Variants in MME observed in about 807,000 individuals in gnomAD.
MME encodes membrane metalloendopeptidase.
Under a neutral mutation model 113.2 loss-of-function variants are expected in MME, and 98 were observed. The observed-to-expected ratio is 0.87, with a 90% CI of 0.74 to 1.02. MME has a LOEUF of 1.02. MME is among the 50% of genes least tolerant of loss of function. MME has a pLI of 0.00. For missense variants in MME, 836 were observed against 896.0 expected (o/e 0.93, Z 0.86); for synonymous variants, 292 against 300.6 (o/e 0.97, Z 0.30).
intron 1 of MME, among the ~76,000 whole-genome samples, chr3:155,054,564 G>T (rs1427609734): frequency 6.6e-6 from 1 of 152,304 alleles, no homozygotes; most frequent in East Asian, 1.9e-4. Flanking sequence ...GCTCACTCCT[G>T]CAATCCCAGC....
Position 155,115,027 on chromosome 3 carries a change from C to T in MME, c.230C>T (p.Thr77Ile), listed in dbSNP as rs1576601411. The T allele has an allele frequency of 1.2e-6, 2 of 1,614,146 alleles. No homozygotes were observed. The highest frequency in any genetic ancestry group is 1.7e-5 in the Admixed American group (1 of 60,018). ...ARLIQNMDAT[T>I]EPCTDFFKYA... ...CTGATCCAAAACATGGATGCCACCA[C>T]TGAGCCTTGTACAGACTTTTTCAAA... The change falls in exon 4 of 23, where the codon ACT becomes ATT. Residue 77 changes from threonine to isoleucine, a missense_variant. Physicochemically the swap from Thr to Ile is moderately conservative, Grantham distance 89. Coordinates refer to ENST00000360490, the MANE Select transcript of MME (RefSeq NM_007289.4).
chr3:155,040,968 C>T (rs1288591995), intron 1 of MME, among the ~76,000 whole-genome samples: 1 of 152,124 alleles, frequency 6.6e-6, no homozygotes, highest in Non-Finnish European at 1.5e-5. Flanking sequence ...ATTTCTATTA[C>T]GAAGAAAGAA....
intron 15 of MME, 96 bp downstream of exon 15, chr3:155,147,320 C>G: frequency 1.3e-6 from 1 of 779,656 alleles, no homozygotes; most frequent in African/African-American, 1.7e-5. Flanking sequence ...TATGAAGTAG[C>G]CTGAAACCAC....
rs111571528 is a variant in MME at position 155,137,752 on chromosome 3, C to T, written c.721-350C>T. 2.6e-5 allele frequency among the ~76,000 whole-genome samples: 4 copies of T among 152,036 alleles called. 1 individual carries two copies. Among genetic ancestry groups the T allele is most frequent in the African/African-American group, 2.4e-5 (1 of 41,490 alleles). Reference sequence around the variant, plus strand: ...AAAAAAGAAATGTATTATTATTCAGCGAAAAAATTAGTATATGTTATTGCT... The same window carrying T: ...AAAAAAGAAATGTATTATTATTCAGTGAAAAAATTAGTATATGTTATTGCT... On this transcript the variant is annotated intron_variant, in intron 8 of 22. Transcript: ENST00000360490.
chr3:155,028,384 A>G (rs1279036955), intron 1 of MME, among the ~76,000 whole-genome samples: 4 of 152,182 alleles, frequency 2.6e-5, no homozygotes, highest in African/African-American at 4.8e-5. Context: ...CCATGTAATA[A>G]TCTGGGAATA....
Position 155,084,247 on chromosome 3 carries a change from T to G in MME, c.80T>G (p.Leu27Arg), listed in dbSNP as rs1391261402. The G allele has an allele frequency of 2.5e-6, 4 of 1,614,168 alleles. No homozygotes were observed. Among genetic ancestry groups the G allele is most frequent in the Admixed American group, 1.7e-5 (1 of 60,018 alleles). Residue 27 changes from leucine to arginine, a missense_variant, in exon 2 of 23, where the codon CTG becomes CGG. Physicochemically the swap from Leu to Arg is moderately radical, Grantham distance 102. Coordinates refer to ENST00000360490, the MANE Select transcript of MME (RefSeq NM_007289.4). Reference sequence around the variant, plus strand: ...AAGAAGAAACAGCGATGGACTCCACTGGAGATCAGCCTCTCGGTCCTTGTC... The same window carrying G: ...AAGAAGAAACAGCGATGGACTCCACGGGAGATCAGCCTCTCGGTCCTTGTC... ...KPKKKQRWTPLEISLSVLVLL... is the reference protein window; with the variant it reads ...KPKKKQRWTPREISLSVLVLL...
chr3:155,082,582 A>C (rs989449736), intron 1 of MME, among the ~76,000 whole-genome samples: 1 of 152,210 alleles, frequency 6.6e-6, no homozygotes, highest in Non-Finnish European at 1.5e-5. Context: ...CATAACCATT[A>C]AGTAAGACAT....
chr3:155,141,975 G>A lies in MME; in HGVS notation c.958-16G>A, dbSNP rs756756225. On this transcript the variant is annotated splice_polypyrimidine_tract_variant and intron_variant, in intron 10 of 22. Transcript: ENST00000360490. ...AATCCACAATTTCTGAATGTTTCAT[G>A]CCTGCTTTTTTCCAGCCATTCAGCT... 1.5e-5 allele frequency: 25 copies of A among 1,613,208 alleles called. No individual in the cohort carries two copies. In the South Asian group the frequency reaches 2.5e-4, roughly 16 times the overall value.
intron 8 of MME, among the ~76,000 whole-genome samples, chr3:155,124,821 A>G (rs1719471112): frequency 6.6e-6 from 1 of 152,016 alleles, no homozygotes; most frequent in Admixed American, 6.5e-5. Flanking sequence ...GCTCTCTTCA[A>G]AGCTGTCAGA....
intron 14 of MME, among the ~76,000 whole-genome samples, chr3:155,145,599 G>A (rs1721440967): frequency 6.6e-6 from 1 of 152,012 alleles, no homozygotes; most frequent in Non-Finnish European, 1.5e-5. Flanking sequence ...TATTGAGTGA[G>A]TAAATTGATA....
chr3:155,154,330 G>T (rs1336618025), intron 16 of MME, among the ~76,000 whole-genome samples: 1 of 152,156 alleles, frequency 6.6e-6, no homozygotes, highest in East Asian at 1.9e-4. Context: ...AAATGGCAGA[G>T]CAGTTGGCAC....
chr3:155,105,867 G>A lies in MME; in HGVS notation c.197-9127G>A, dbSNP rs112182230. Among the ~76,000 whole-genome samples the A allele has an allele frequency of 1.4e-3, 210 of 152,186 alleles. 1 individual carries two copies. Among genetic ancestry groups the A allele is most frequent in the African/African-American group, 3.4e-3 (143 of 41,526 alleles). On this transcript the variant is annotated intron_variant, in intron 3 of 22. Coordinates refer to ENST00000360490, the MANE Select transcript of MME (RefSeq NM_007289.4). ...GTTATTATTATTATTACATTTAAGCGTCTTTGGCTAAACCTAAATGAAAAT... is the reference window on the plus strand; with the variant it reads ...GTTATTATTATTATTACATTTAAGCATCTTTGGCTAAACCTAAATGAAAAT...
chr3:155,042,443 GATCC>G (rs1206625770), intron 1 of MME, among the ~76,000 whole-genome samples: 2 of 152,084 alleles, frequency 1.3e-5, no homozygotes, highest in African/African-American at 4.8e-5. Flanking sequence ...GTTTCTTATA[GATCC>G]ATCAGGGAGT....
chr3:155,172,621 A>G lies in MME; in HGVS notation c.2153+9A>G, dbSNP rs1299312039. On this transcript the variant is annotated intron_variant, in intron 22 of 22. Transcript: ENST00000360490. Reference sequence around the variant, plus strand: ...AGTCCAGGCAATTTCAGGTGCGTGGATATGAACAGCAATCAAGGTGCTCTT... The same window carrying G: ...AGTCCAGGCAATTTCAGGTGCGTGGGTATGAACAGCAATCAAGGTGCTCTT... 6.2e-7 allele frequency: 1 copy of G among 1,602,780 alleles called. No individual in the cohort carries two copies. The highest frequency in any genetic ancestry group is 8.5e-7 in the Non-Finnish European group (1 of 1,170,024).
chr3:155,062,508 A>T (rs1714183239), intron 1 of MME, among the ~76,000 whole-genome samples: 2 of 152,190 alleles, frequency 1.3e-5, no homozygotes, highest in South Asian at 2.1e-4. Context: ...AAGAAATATA[A>T]TATCAAACTA....
chr3:155,147,078 C>T lies in MME; in HGVS notation c.1417-66C>T, dbSNP rs1015784503. Reference sequence around the variant, plus strand: ...AAGTTATTCAATTGCTAGTCATGGGCAGATTATAAATTTGTATCTGAAAGT... The same window carrying T: ...AAGTTATTCAATTGCTAGTCATGGGTAGATTATAAATTTGTATCTGAAAGT... On this transcript the variant is annotated intron_variant, in intron 14 of 22. Transcript: ENST00000360490. 30 of 1,005,046 alleles carry T rather than the reference C, an allele frequency of 3.0e-5. No homozygotes were observed. In the East Asian group the frequency reaches 5.8e-4, roughly 19 times the overall value. The allele number at this position is 1,005,046 out of a possible 1,614,324, so 62.3% of individuals were successfully genotyped here. A position where few individuals can be genotyped will look rare whatever the true frequency, so the allele number is the denominator to read the frequency against.
At chr3:155,033,641 A>T (rs1410609606) in intron 1 of MME, among the ~76,000 whole-genome samples, 1 of 152,176 alleles carries the variant, frequency 6.6e-6, no homozygotes, top group Non-Finnish European at 1.5e-5. Flanking sequence ...TGTTGGCTAA[A>T]CATTGCTTCC....
chr3:155,180,628 G>T lies in MME; in HGVS notation c.*169G>T, dbSNP rs200617272. The T allele has an allele frequency of 1.5e-6, 1 of 658,464 alleles. No individual in the cohort carries two copies. The allele number at this position is 658,464 out of a possible 1,614,324, so 40.8% of individuals were successfully genotyped here. ...ATAACATTAGGTTGTCCTAGAAAGG[G>T]TGTGGAGGGAGGAAGGGGGTCTAAG... On this transcript the variant is annotated 3_prime_UTR_variant, in exon 23 of 23. Coordinates refer to ENST00000360490, the MANE Select transcript of MME (RefSeq NM_007289.4).
intron 3 of MME, among the ~76,000 whole-genome samples, chr3:155,088,577 G>GGA (rs1369028387): frequency 1.3e-5 from 2 of 151,886 alleles, no homozygotes; most frequent in African/African-American, 4.8e-5. Context: ...CAGCTACTCA[G>GGA]GAGGCTGAGG....
Sources: gnomAD v4.1 joint callset for allele counts (sites outside exome capture counted in the v4.1 genomes callset) on GRCh38, gnomAD v4.1.1 for gene constraint, MANE v1.5 for transcripts, NCBI Gene and HGNC (gene_info 2026-07-23, HGNC 2026-07-21) for gene names.